Variants in ACAD11 observed in about 807,000 individuals in gnomAD.
ACAD11 encodes the protein acyl-Coenzyme A dehydrogenase family, member 11.
Under a neutral mutation model 102.2 loss-of-function variants are expected in ACAD11, and 83 were observed. That is an observed-to-expected ratio of 0.81 (90% CI 0.68 to 0.97). The LOEUF is 0.97. Among genes scored for constraint, ACAD11 ranks in the 50% least tolerant of loss-of-function variants. The pLI, the probability that ACAD11 is intolerant of heterozygous loss-of-function variation, is 0.00. For synonymous variants in ACAD11, 324 were observed against 319.8 expected, an observed-to-expected ratio of 1.01 and a Z score of -0.14; for missense variants, 901 against 951.7, an observed-to-expected ratio of 0.95 and a Z score of 0.70.
chr3:132,578,998 G>A (rs896569246), intron 14 of ACAD11, 117 bp from the exon 15 acceptor site: 1 of 1,535,498 alleles, frequency 6.5e-7, no homozygotes, highest in African/African-American at 1.4e-5. Flanking sequence ...AAGCAGTGAT[G>A]ACTGGAATGG....
chr3:132,594,588 A>T (rs1357881926), intron 13 of ACAD11, among the ~76,000 whole-genome samples: 1 of 152,238 alleles, frequency 6.6e-6, no homozygotes, highest in Non-Finnish European at 1.5e-5. Context: ...TGGAAGATAG[A>T]AAATTTAAAT....
chr3:132,606,624 C>A (rs1341967526), intron 11 of ACAD11, among the ~76,000 whole-genome samples: 3 of 152,234 alleles, frequency 2.0e-5, no homozygotes, highest in African/African-American at 7.2e-5. Flanking sequence ...AAGGCAGTAG[C>A]CCCAGTCAGG....
chr3:132,628,928 G>A (rs1348951603), intron 7 of ACAD11, among the ~76,000 whole-genome samples: 1 of 152,132 alleles, frequency 6.6e-6, no homozygotes, highest in Admixed American at 6.5e-5. Context: ...GCTAATCAGT[G>A]TTTCTTTGAT....
chr3:132,609,739 C>G (rs1231904593), intron 11 of ACAD11, among the ~76,000 whole-genome samples: 1 of 151,894 alleles, frequency 6.6e-6, no homozygotes, highest in Non-Finnish European at 1.5e-5. Context: ...TGAAACTATT[C>G]CAAATAGAAA....
intron 13 of ACAD11, among the ~76,000 whole-genome samples, chr3:132,598,129 T>G (rs556062688): frequency 5.3e-5 from 8 of 152,274 alleles, no homozygotes; most frequent in African/African-American, 1.7e-4. Context: ...CATTATTGAT[T>G]CTATAAGAAT....
intron 16 of ACAD11, among the ~76,000 whole-genome samples, chr3:132,576,416 A>T (rs1261377357): frequency 6.6e-6 from 1 of 152,186 alleles, no homozygotes; most frequent in Non-Finnish European, 1.5e-5. Context: ...TGTTCTTTGA[A>T]AGGGATATAG....
chr3:132,623,552 A>G (rs1421874548), intron 9 of ACAD11, among the ~76,000 whole-genome samples: 1 of 152,096 alleles, frequency 6.6e-6, no homozygotes, highest in Non-Finnish European at 1.5e-5. Flanking sequence ...AAAAGCTCAC[A>G]TTATCAGATA....
rs1246358882 is a variant in ACAD11, at chr3:132,558,977, C to G, written c.2337G>C (p.Lys779Asn). The change falls in exon 20 of 20, where the codon AAG becomes AAC. Residue 779 changes from lysine (K) to asparagine (N), a missense_variant. Lys to Asn is a moderately conservative substitution (Grantham distance 94, BLOSUM62 0). Coordinates refer to ENST00000264990, the MANE Select transcript of ACAD11 (RefSeq NM_032169.5). Reference protein sequence around the residue: ...LRDQAKRLTAKI With the variant: ...LRDQAKRLTANI ...TGTGGCAGTGCCACCCTCCTTATAT[C>G]TTGGCTGTCAGTCTTTTGGCTTGGT... is the stretch of plus-strand genomic sequence containing the variant. 2 of 1,612,298 alleles carry G rather than the reference C, an allele frequency of 1.2e-6. No individual in the cohort carries two copies. Among genetic ancestry groups the G allele is most frequent in the South Asian group, 2.2e-5 (2 of 90,898 alleles).
chr3:132,577,201 G>A (rs1176757884), intron 15 of ACAD11, among the ~76,000 whole-genome samples, 186 bp from the exon 16 acceptor site: 1 of 148,200 alleles, frequency 6.7e-6, no homozygotes, highest in East Asian at 1.9e-4. Context: ...CTCATCAACT[G>A]TTCAAGAAGA....
intron 14 of ACAD11, chr3:132,579,243 C>T (rs1056860639): frequency 1.6e-6 from 1 of 632,782 alleles, no homozygotes; most frequent in Non-Finnish European, 2.5e-6. Flanking sequence ...ATCCAAACAG[C>T]TTTGATAATT....
At chr3:132,568,874 A>G (rs1036871545) in intron 17 of ACAD11, among the ~76,000 whole-genome samples, 1 of 151,692 alleles carries the variant, frequency 6.6e-6, no homozygotes, top group Non-Finnish European at 1.5e-5. Context: ...AAATGTAAGC[A>G]GACACAAATG....
chr3:132,635,095 A>G (rs1382179213), intron 5 of ACAD11, among the ~76,000 whole-genome samples: 1 of 151,348 alleles, frequency 6.6e-6, no homozygotes, highest in African/African-American at 2.4e-5. Context: ...TAAAAAAATA[A>G]AAAAATAAAG....
intron 13 of ACAD11, among the ~76,000 whole-genome samples, chr3:132,597,936 A>G (rs1378837391): frequency 6.6e-6 from 1 of 152,158 alleles, no homozygotes; most frequent in Non-Finnish European, 1.5e-5. Flanking sequence ...TTAATGATAA[A>G]AAGAGTCATT....
At position 132,642,127 on chromosome 3, in the gene ACAD11, T is replaced by G; in HGVS notation, c.382A>C (p.Ile128Leu). Residue 128 changes from isoleucine (I) to leucine (L), a missense_variant, in exon 4 of 20, where the codon ATC (isoleucine) becomes CTC (leucine). Physicochemically the swap from Ile to Leu is conservative, Grantham distance 5. Coordinates refer to ENST00000264990, the MANE Select transcript of ACAD11 (RefSeq NM_032169.5). ...CCAGGAATTGTTAAATCACGGAAGATTCGACCCTATGGAAGTGATTACAAC... is the reference window on the plus strand; with the variant it reads ...CCAGGAATTGTTAAATCACGGAAGAGTCGACCCTATGGAAGTGATTACAAC... Reference protein sequence around the residue: ...FYVMEHVQGRIFRDLTIPGLS... With the variant: ...FYVMEHVQGRLFRDLTIPGLS... 2 of 1,613,638 alleles carry G rather than the reference T, an allele frequency of 1.2e-6. No individual in the cohort carries two copies.
At chr3:132,605,557 T>G (rs2107828235) in intron 11 of ACAD11, among the ~76,000 whole-genome samples, 2 of 152,360 alleles carry the variant, frequency 1.3e-5, no homozygotes, top group Admixed American at 1.3e-4. Flanking sequence ...TAGAAGTGAT[T>G]GCAATGCTCC....
Position 132,639,674 on chromosome 3 carries a change from A to G in ACAD11, c.538-18T>C. The G allele has an allele frequency of 6.3e-7, 1 of 1,594,614 alleles. No individual in the cohort carries two copies. Among genetic ancestry groups the G allele is most frequent in the Non-Finnish European group, 8.5e-7 (1 of 1,174,380 alleles). On this transcript the variant is annotated intron_variant, in intron 4 of 19. Transcript: ENST00000264990. ...GTTGATACCTAAAGACATATAAATA[A>G]GAAAAATGGTAAAGCTGAAACTGGA... is the stretch of plus-strand genomic sequence containing the variant.
chr3:132,600,073 C>A (rs1458292253), intron 13 of ACAD11, among the ~76,000 whole-genome samples: 2 of 151,906 alleles, frequency 1.3e-5, no homozygotes, highest in Non-Finnish European at 2.9e-5. Flanking sequence ...TTTTAAAAAT[C>A]ATTTTTACAT....
intron 9 of ACAD11, among the ~76,000 whole-genome samples, chr3:132,624,310 GAA>G (rs60100904): frequency 7.7e-5 from 10 of 129,080 alleles, no homozygotes; most frequent in Non-Finnish European, 1.0e-4. Flanking sequence ...TCTCTTGAAG[GAA>G]AAAAAAAAAA....
At chr3:132,632,058 T>G (rs189391092) in intron 5 of ACAD11, among the ~76,000 whole-genome samples, 16 of 151,864 alleles carry the variant, frequency 1.1e-4, no homozygotes, top group African/African-American at 2.9e-4. Flanking sequence ...CTTGTAACAG[T>G]ATGTATCAAG....
Sources: gnomAD v4.1 joint callset for allele counts (sites outside exome capture counted in the v4.1 genomes callset) on GRCh38, gnomAD v4.1.1 for gene constraint, MANE v1.5 for transcripts, NCBI Gene and HGNC (gene_info 2026-07-23, HGNC 2026-07-21) for gene names.